Variants in DCC observed in about 807,000 individuals in gnomAD.
The protein encoded by DCC is DCC netrin 1 receptor.
In DCC, 58 loss-of-function variants were observed where a neutral mutation model predicts 172.5. The observed-to-expected ratio is 0.34, with a 90% CI of 0.27 to 0.42. The LOEUF is 0.42. Among genes scored for constraint, DCC ranks in the 10% least tolerant of loss-of-function variants. DCC has a pLI of 1.00. For synonymous variants in DCC, 709 were observed against 644.5 expected (o/e 1.10, Z -1.52); for missense variants, 1,740 against 1,791.0 (o/e 0.97, Z 0.51).
At chr18:52,868,556 C>T (rs1170661303) in intron 2 of DCC, among the ~76,000 whole-genome samples, 1 of 152,210 alleles carries the variant, frequency 6.6e-6, no homozygotes, top group Admixed American at 6.5e-5. Flanking sequence ...TGTCTTTGCT[C>T]ATTCCTAGGC....
At chr18:52,682,534 A>G (rs943165422) in intron 1 of DCC, among the ~76,000 whole-genome samples, 5 of 152,054 alleles carry the variant, frequency 3.3e-5, no homozygotes, top group Admixed American at 6.6e-5. Flanking sequence ...AGAGGCGGGC[A>G]GGAACTAGAT....
intron 5 of DCC, among the ~76,000 whole-genome samples, chr18:52,963,830 T>TTG (rs765339592): frequency 2.7e-4 from 40 of 148,900 alleles, no homozygotes; most frequent in African/African-American, 4.9e-4. Context: ...TATCTCTAGT[T>TTG]TTTTTTTTTT....
rs1388723436 is a variant in DCC at position 52,761,939 on chromosome 18, AAG to A, written c.412+9567_412+9568del. Among the ~76,000 whole-genome samples the A allele has an allele frequency of 1.3e-3, 137 of 101,844 alleles. 1 individual carries two copies. Among genetic ancestry groups the A allele is most frequent in the African/African-American group, 5.1e-3 (135 of 26,492 alleles). 66.8% of individuals were successfully genotyped at this position (101,844 alleles called of 152,430 possible). The stretch of plus-strand genomic sequence containing the variant: ...AAAAAAAAAAAAGAAAAAAAAAAAG[AAG>A]AAGGAAAAAAAAGAATTTCCACAGC... On this transcript the variant is annotated intron_variant, in intron 2 of 28. Transcript: ENST00000442544.
intron 27 of DCC, among the ~76,000 whole-genome samples, chr18:53,511,336 C>T (rs892538047): frequency 1.2e-4 from 18 of 152,208 alleles, no homozygotes; most frequent in Non-Finnish European, 1.3e-4. Flanking sequence ...GAATATTCGA[C>T]CTGCTAGCTG....
chr18:52,412,583 A>G (rs1986879072), intron 1 of DCC, among the ~76,000 whole-genome samples: 2 of 152,166 alleles, frequency 1.3e-5, no homozygotes, highest in Admixed American at 1.3e-4. Context: ...TTCAGAACTG[A>G]TAACTGTGAT....
At chr18:53,072,338 G>A (rs2042665495) in intron 7 of DCC, among the ~76,000 whole-genome samples, 1 of 152,208 alleles carries the variant, frequency 6.6e-6, no homozygotes, top group African/African-American at 2.4e-5. Context: ...GAGTGGAGAA[G>A]TTAGCAATTA....
intron 2 of DCC, among the ~76,000 whole-genome samples, chr18:52,825,870 C>G (rs1323984609): frequency 6.6e-6 from 1 of 152,074 alleles, no homozygotes; most frequent in African/African-American, 2.4e-5. Flanking sequence ...AAATGCATGC[C>G]CAGGAGGCAA....
chr18:53,385,021 C>CTTTTTTTTTTTTT (rs35779527), intron 15 of DCC, among the ~76,000 whole-genome samples: 1 of 131,040 alleles, frequency 7.6e-6, no homozygotes, highest in Non-Finnish European at 1.6e-5. Flanking sequence ...TAATTTTTTT[C>CTTTTTTTTTTTTT]TTTTTTTTTT....
intron 1 of DCC, among the ~76,000 whole-genome samples, chr18:52,692,050 A>T (rs955372556): frequency 6.6e-6 from 1 of 151,908 alleles, no homozygotes. Flanking sequence ...TGCAATCACT[A>T]CTCTATTAAG....
At chr18:53,022,458 T>A (rs1409661291) in intron 5 of DCC, among the ~76,000 whole-genome samples, 1 of 151,998 alleles carries the variant, frequency 6.6e-6, no homozygotes, top group Non-Finnish European at 1.5e-5. Context: ...GGCAGGAACA[T>A]AGCACTTAAT....
chr18:52,616,261 G>A (rs2034380952), intron 1 of DCC, among the ~76,000 whole-genome samples: 1 of 150,778 alleles, frequency 6.6e-6, no homozygotes, highest in Non-Finnish European at 1.5e-5. Flanking sequence ...GTTTCTTTTG[G>A]TTAATTTTTT....
At chr18:52,916,967 T>C (rs994741175) in intron 3 of DCC, among the ~76,000 whole-genome samples, 2 of 151,870 alleles carry the variant, frequency 1.3e-5, no homozygotes, top group African/African-American at 4.8e-5. Context: ...TTTAAAAATA[T>C]TATTTTTGAT....
At chr18:52,897,594 A>C (rs1288501221) in intron 2 of DCC, among the ~76,000 whole-genome samples, 1 of 152,220 alleles carries the variant, frequency 6.6e-6, no homozygotes, top group Admixed American at 6.5e-5. Flanking sequence ...TTATCCACTT[A>C]ACTTTTTAAT....
chr18:53,529,038 T>TCTCA (rs1203799842), intron 28 of DCC, among the ~76,000 whole-genome samples: 175 of 65,252 alleles, frequency 2.7e-3, no homozygotes, highest in Middle Eastern at 0.019. Flanking sequence ...TCTCTCTCTC[T>TCTCA]CACACACACA....
At chr18:52,776,212 T>C (rs913626781) in intron 2 of DCC, among the ~76,000 whole-genome samples, 40 of 152,180 alleles carry the variant, frequency 2.6e-4, no homozygotes, top group Non-Finnish European at 4.4e-4. Context: ...AACAATTTTA[T>C]AATAAATACT....
rs73462972 is a variant in DCC, at chr18:53,525,705, A to T, written c.4112-912A>T. 1.9e-3 allele frequency among the ~76,000 whole-genome samples: 291 copies of T among 152,212 alleles called. 1 individual carries two copies. Among genetic ancestry groups the T allele is most frequent in the African/African-American group, 6.8e-3 (284 of 41,552 alleles). ...TTGGCAAAATATAGGACCCCATTAG[A>T]ACCATTAGGACTAAAATGTCAGCTC... On this transcript the variant is annotated intron_variant, in intron 27 of 28. Coordinates refer to ENST00000442544, the MANE Select transcript of DCC (RefSeq NM_005215.4).
At chr18:53,366,810 C>A (rs2058010225) in intron 15 of DCC, among the ~76,000 whole-genome samples, 1 of 152,178 alleles carries the variant, frequency 6.6e-6, no homozygotes, top group South Asian at 2.1e-4. Context: ...GGTGCCAATG[C>A]CATCCTCCGG....
At chr18:53,363,430 G>C (rs2057969531) in intron 15 of DCC, among the ~76,000 whole-genome samples, 1 of 152,110 alleles carries the variant, frequency 6.6e-6, no homozygotes, top group African/African-American at 2.4e-5. Flanking sequence ...CTTTTTGAAA[G>C]TTTGTGATAA....
intron 1 of DCC, among the ~76,000 whole-genome samples, chr18:52,416,141 A>T (rs560631665): frequency 1.3e-5 from 2 of 152,302 alleles, no homozygotes; most frequent in African/African-American, 4.8e-5. Context: ...CTCAATAGTC[A>T]TTCAGGAGCA....
Sources: allele counts gnomAD v4.1 joint callset (sites outside exome capture counted in the v4.1 genomes callset), GRCh38; gene constraint gnomAD v4.1.1; transcripts MANE v1.5; gene names NCBI Gene and HGNC (gene_info 2026-07-23, HGNC 2026-07-21).